LVRN: variants seen among roughly 807,000 people sequenced by gnomAD.
LVRN encodes the protein laeverin, also known as aminopeptidase Q.
A neutral mutation model predicts 111.4 loss-of-function variants in LVRN; 99 were observed. The observed-to-expected ratio is 0.89, with a 90% confidence interval of 0.76 to 1.05. The LOEUF is 1.05. Ranked by LOEUF, LVRN falls within the 50% of genes least tolerant of loss-of-function variation. The probability of loss-of-function intolerance (pLI) is 0.00; values close to 1 mark genes in which losing one functional copy is unlikely to be tolerated. For synonymous variants in LVRN, 488 were observed against 449.5 expected, an observed-to-expected ratio of 1.09 and a Z score of -1.08; for missense variants, 1,414 against 1,206.8, an observed-to-expected ratio of 1.17 and a Z score of -2.54.
intron 7 of LVRN, among the ~76,000 whole-genome samples, chr5:116,000,159 T>C (rs1748208205): frequency 6.6e-6 from 1 of 152,240 alleles, no homozygotes; most frequent in East Asian, 1.9e-4. Flanking sequence ...ACCCTTTTGC[T>C]TGGTGGAAAT....
chr5:115,969,086 G>C (rs1753264885), intron 1 of LVRN, among the ~76,000 whole-genome samples: 3 of 152,134 alleles, frequency 2.0e-5, no homozygotes, highest in Non-Finnish European at 4.4e-5. Flanking sequence ...CCTTTCAAGA[G>C]GTCTCCTCTT....
At chr5:115,974,912 G>A (rs143735068) in intron 1 of LVRN, 8,012 of 472,278 alleles carry the variant, frequency 0.017, 91 homozygotes, top group Non-Finnish European at 0.023. Flanking sequence ...AGACTCTACT[G>A]ATATATTTCC....
In LVRN at chr5:115,962,638, A is replaced by T. The variant is rs2112540613; in HGVS notation, c.21A>T (p.Ser7=). Residue 7 remains serine, a synonymous_variant, in exon 1 of 20, where the codon TCA becomes TCT. Coordinates refer to ENST00000357872, the MANE Select transcript of LVRN (RefSeq NM_173800.5). ...CTGCCATGGGGCCCCCTTCCAGCTC[A>T]GGCTTCTATGTGAGCCGCGCAGTGG... MGPPSS[S]GFYVSRAVAL... The T allele has an allele frequency of 6.2e-7, 1 of 1,602,146 alleles. No individual in the cohort carries two copies. Among genetic ancestry groups the T allele is most frequent in the South Asian group, 1.1e-5 (1 of 90,636 alleles).
At chr5:115,994,311 C>T (rs902117698) in intron 6 of LVRN, among the ~76,000 whole-genome samples, 7 of 152,150 alleles carry the variant, frequency 4.6e-5, no homozygotes, top group African/African-American at 1.4e-4. Flanking sequence ...CTCGCTCTGT[C>T]ACCCAAACTG....
Sources: allele counts gnomAD v4.1 joint callset (sites outside exome capture counted in the v4.1 genomes callset), GRCh38; gene constraint gnomAD v4.1.1; transcripts MANE v1.5; gene names NCBI Gene and HGNC (gene_info 2026-07-23, HGNC 2026-07-21).